Variants in AGT observed in about 807,000 individuals in gnomAD.
The protein encoded by AGT is alpha-1 antiproteinase, antitrypsin.
Under a neutral mutation model 28.1 loss-of-function variants are expected in AGT, and 26 were observed. The ratio of observed to expected loss-of-function variants is 0.92; its 90% CI spans 0.68 to 1.28. The LOEUF is 1.28. Ranked by LOEUF, AGT falls within the 50% of genes most tolerant of loss-of-function variation. The pLI is 0.00. For synonymous variants in AGT, 259 were observed against 259.6 expected (o/e 1.00, Z 0.02); for missense variants, 596 against 592.3 (o/e 1.01, Z -0.06).
At position 230,740,915 on chromosome 1, in the gene AGT, C is replaced by G. The variant is rs1394593596; in HGVS notation, c.-31+4600G>C. 2.0e-5 allele frequency among the ~76,000 whole-genome samples: 3 copies of G among 152,334 alleles called. No homozygotes were observed. In the East Asian group the frequency reaches 5.8e-4, roughly 29 times the overall value. On this transcript the variant is annotated intron_variant, in intron 1 of 4. Transcript: ENST00000681269. ...TGAGCCAAGATCGCACCACTGCACT[C>G]TAGCCTGGCAACAGAGGAGACTCTG...
intron 4 of AGT, 54 bp from the exon 5 acceptor site, chr1:230,703,383 G>A (rs1352345567): frequency 1.9e-6 from 3 of 1,604,650 alleles, no homozygotes; most frequent in East Asian, 4.5e-5. Flanking sequence ...GTGACCCAGG[G>A]TGCTGAGGGC....
intron 1 of AGT, among the ~76,000 whole-genome samples, chr1:230,713,659 A>G (rs1663657974): frequency 6.6e-6 from 1 of 152,044 alleles, no homozygotes; most frequent in Non-Finnish European, 1.5e-5. Flanking sequence ...GTCTCGAGGG[A>G]GGGGTAGGGT....
intron 4 of AGT, among the ~76,000 whole-genome samples, chr1:230,703,748 C>T (rs1663297714): frequency 6.6e-6 from 1 of 152,220 alleles, no homozygotes; most frequent in South Asian, 2.1e-4. Context: ...GAGCACAGGG[C>T]CCAGAACATC....
chr1:230,744,747 G>A (rs759413347), intron 1 of AGT, among the ~76,000 whole-genome samples: 26 of 152,184 alleles, frequency 1.7e-4, no homozygotes, highest in Non-Finnish European at 3.1e-4. Flanking sequence ...AGCCTGGAGA[G>A]GTGTTTGTAT....
At chr1:230,703,446 G>A in intron 4 of AGT, 117 bp from the exon 5 acceptor site, 1 of 1,093,242 alleles carries the variant, frequency 9.1e-7, no homozygotes, top group Non-Finnish European at 1.4e-6. Flanking sequence ...TCCTGGAGGG[G>A]GACATTTTCC....
At chr1:230,704,565 G>A (rs1021227625) in intron 3 of AGT, among the ~76,000 whole-genome samples, 5 of 152,272 alleles carry the variant, frequency 3.3e-5, no homozygotes, top group Admixed American at 6.5e-5. Flanking sequence ...AAGATTTACC[G>A]ATGAGGACCT....
At chr1:230,730,897 C>T (rs1225779588) in intron 1 of AGT, among the ~76,000 whole-genome samples, 2 of 152,206 alleles carry the variant, frequency 1.3e-5, no homozygotes, top group African/African-American at 4.8e-5. Context: ...ATCCTACATG[C>T]CCCTTTTGAG....
At chr1:230,715,274 A>C (rs1663706316), upstream of AGT, among the ~76,000 whole-genome samples, 1 of 152,158 alleles carries the variant, frequency 6.6e-6, no homozygotes, top group Admixed American at 6.5e-5. Flanking sequence ...TGGGCCTGTA[A>C]ATTCTGAAAT....
At chr1:230,721,444 T>C (rs967795666) in intron 1 of AGT, among the ~76,000 whole-genome samples, 3 of 152,224 alleles carry the variant, frequency 2.0e-5, no homozygotes, top group Non-Finnish European at 4.4e-5. Context: ...ATTTGCAGCA[T>C]TTTTAGGCAA....
upstream of AGT, among the ~76,000 whole-genome samples, chr1:230,719,543 G>A (rs1245815182): frequency 2.6e-5 from 4 of 151,936 alleles, no homozygotes; most frequent in Non-Finnish European, 5.9e-5. Context: ...TAGGAGCTGG[G>A]ACTACAGGTG....
Position 230,726,096 on chromosome 1 carries a change from TG to T in AGT, c.-30-15244del, listed in dbSNP as rs567624172. Among the ~76,000 whole-genome samples, 567 of 152,334 alleles carry T rather than the reference TG, an allele frequency of 3.7e-3. 4 individuals carry two copies. The highest frequency in any genetic ancestry group is 0.01 in the Middle Eastern group (3 of 294). On this transcript the variant is annotated intron_variant, in intron 1 of 4. Coordinates refer to the AGT transcript ENST00000681269. ...ACTGCAAAATTGGAATGACTTCACT[TG>T]GCATCACGGCAGCCAGAGCCAACTT...
chr1:230,710,048 A>G lies in AGT; in HGVS notation c.776T>C (p.Met259Thr), dbSNP rs699. Residue 259 changes from methionine (M) to threonine (T), a missense_variant, in exon 2 of 5, where the codon ATG becomes ACG. Physicochemically the swap from Met to Thr is moderately conservative, Grantham distance 81. Coordinates refer to ENST00000366667, the MANE Select transcript of AGT (RefSeq NM_001384479.1). ...CAGGGTGCTGTCCACACTGGCTCCC[A>G]TCAGGGAGCAGCCAGTCTTCCATCC... is the stretch of plus-strand genomic sequence containing the variant. ...VTGWKTGCSL[M>T]GASVDSTLAF... 0.47 allele frequency: 757,462 copies of G among 1,613,874 alleles called. 191,182 individuals are homozygous for G. The highest frequency in any genetic ancestry group is 0.84 in the African/African-American group (62,869 of 75,022).
chr1:230,719,105 A>T (rs1663794976), upstream of AGT, among the ~76,000 whole-genome samples: 1 of 152,122 alleles, frequency 6.6e-6, no homozygotes, highest in South Asian at 2.1e-4. Context: ...TCATCTGTTG[A>T]CAGACAGAAG....
At chr1:230,742,237 G>A (rs1664260352) in intron 1 of AGT, among the ~76,000 whole-genome samples, 1 of 152,074 alleles carries the variant, frequency 6.6e-6, no homozygotes, top group South Asian at 2.1e-4. Context: ...TTTTTATGCA[G>A]ATATAAATAA....
intron 1 of AGT, among the ~76,000 whole-genome samples, chr1:230,737,107 A>G (rs1399944907): frequency 6.6e-6 from 1 of 151,920 alleles, no homozygotes; most frequent in African/African-American, 2.4e-5. Flanking sequence ...AATCTCCCCT[A>G]GTTCTTGCTC....
At chr1:230,726,807 G>A (rs1303013556) in intron 1 of AGT, among the ~76,000 whole-genome samples, 1 of 152,110 alleles carries the variant, frequency 6.6e-6, no homozygotes, top group Non-Finnish European at 1.5e-5. Context: ...CCTCCTGTCT[G>A]CAGATTTGTC....
intron 1 of AGT, among the ~76,000 whole-genome samples, chr1:230,713,807 T>A (rs930922056): frequency 2.6e-5 from 4 of 152,140 alleles, no homozygotes; most frequent in African/African-American, 9.7e-5. Context: ...TCTGTTCCTG[T>A]ACCAGTCTGC....
chr1:230,718,489 C>T (rs943791361), upstream of AGT, among the ~76,000 whole-genome samples: 3 of 152,068 alleles, frequency 2.0e-5, no homozygotes, highest in Admixed American at 6.6e-5. Flanking sequence ...ACTTGTTCAT[C>T]GTATATATCT....
At chr1:230,738,715 G>T (rs575787193) in intron 1 of AGT, among the ~76,000 whole-genome samples, 1 of 152,262 alleles carries the variant, frequency 6.6e-6, no homozygotes, top group African/African-American at 2.4e-5. Context: ...AGAAAATGGA[G>T]AGTGGGAAAG....
Sources: gnomAD v4.1 joint callset for allele counts (sites outside exome capture counted in the v4.1 genomes callset) on GRCh38, gnomAD v4.1.1 for gene constraint, MANE v1.5 for transcripts, NCBI Gene and HGNC (gene_info 2026-07-23, HGNC 2026-07-21) for gene names.